The following TTC28 variants were observed in gnomAD, a reference collection of about 807,000 sequenced individuals.
TTC28 encodes tetratricopeptide repeat domain 28.
Under a neutral mutation model 198.0 loss-of-function variants are expected in TTC28, and 61 were observed. The observed-to-expected ratio is 0.31, with a 90% CI of 0.25 to 0.38. TTC28 has a LOEUF of 0.38. TTC28 is among the 10% of genes least tolerant of loss of function. The pLI is 1.00. For missense variants in TTC28, 2,678 were observed against 3,164.0 expected (o/e 0.85, Z 3.69); for synonymous variants, 1,171 against 1,297.8 (o/e 0.90, Z 2.10).
At chr22:28,027,967 T>A (rs931534623) in intron 13 of TTC28, among the ~76,000 whole-genome samples, 36 of 152,264 alleles carry the variant, frequency 2.4e-4, no homozygotes, top group African/African-American at 7.7e-4. Context: ...TTTGCCTCTG[T>A]GGTTCCCTCA....
chr22:28,526,765 A>AT (rs920030544), intron 2 of TTC28, among the ~76,000 whole-genome samples: 23 of 151,042 alleles, frequency 1.5e-4, no homozygotes, highest in African/African-American at 5.1e-4. Flanking sequence ...TTTTATTTTA[A>AT]TTTTTTTTTG....
chr22:28,030,509 C>G lies in TTC28; in HGVS notation c.3933-143G>C, dbSNP rs531010242. On this transcript the variant is annotated intron_variant, in intron 12 of 22. Coordinates refer to ENST00000397906, the MANE Select transcript of TTC28 (RefSeq NM_001145418.2). Reference sequence around the variant, plus strand: ...AGATGACAGCATCACCCCACTCCCTCCTCAGTGTCCCTGAGGCCCTCTTCC... The same window carrying G: ...AGATGACAGCATCACCCCACTCCCTGCTCAGTGTCCCTGAGGCCCTCTTCC... 7.1e-5 allele frequency: 70 copies of G among 990,666 alleles called. 1 individual carries two copies. In the South Asian group the frequency reaches 1.1e-3, roughly 16 times the overall value. 61.4% of individuals were successfully genotyped at this position (990,666 alleles called of 1,614,324 possible).
At chr22:28,262,802 T>C (rs548879604) in intron 5 of TTC28, among the ~76,000 whole-genome samples, 1 of 152,268 alleles carries the variant, frequency 6.6e-6, no homozygotes, top group East Asian at 1.9e-4. Context: ...AATGGAGAAC[T>C]AGGGCTTTCC....
intron 1 of TTC28, among the ~76,000 whole-genome samples, chr22:28,640,027 C>T (rs2051337610): frequency 6.6e-6 from 1 of 151,974 alleles, no homozygotes; most frequent in Non-Finnish European, 1.5e-5. Flanking sequence ...AAAATGATGG[C>T]CAGGTGCAGT....
chr22:28,604,159 T>A (rs943660287), intron 2 of TTC28, among the ~76,000 whole-genome samples: 28 of 151,188 alleles, frequency 1.9e-4, no homozygotes, highest in Non-Finnish European at 3.2e-4. Flanking sequence ...GCACCTGTAA[T>A]CCCAGCTACT....
chr22:28,423,406 G>GA (rs1390105015), intron 2 of TTC28, among the ~76,000 whole-genome samples: 2 of 151,630 alleles, frequency 1.3e-5, no homozygotes, highest in Non-Finnish European at 2.9e-5. Flanking sequence ...AAAGAAAAAA[G>GA]AAAAAAGAAA....
At chr22:28,274,454 G>C (rs1458801971) in intron 5 of TTC28, among the ~76,000 whole-genome samples, 1 of 152,122 alleles carries the variant, frequency 6.6e-6, no homozygotes, top group Non-Finnish European at 1.5e-5. Context: ...AAGACACTAA[G>C]GGATGAGATA....
chr22:28,304,109 C>A (rs572311619), intron 3 of TTC28, among the ~76,000 whole-genome samples: 1 of 152,050 alleles, frequency 6.6e-6, no homozygotes, highest in Non-Finnish European at 1.5e-5. Flanking sequence ...CACGATGAAA[C>A]CCCGTCTCTA....
At chr22:28,517,562 G>A (rs915348701) in intron 2 of TTC28, among the ~76,000 whole-genome samples, 1 of 152,190 alleles carries the variant, frequency 6.6e-6, no homozygotes, top group Non-Finnish European at 1.5e-5. Flanking sequence ...TAGGAAGACA[G>A]AATTATGGCC....
intron 6 of TTC28, among the ~76,000 whole-genome samples, chr22:28,145,077 T>C (rs748132991): frequency 1.3e-5 from 2 of 152,056 alleles, no homozygotes; most frequent in African/African-American, 2.4e-5. Context: ...AGAAAAATAA[T>C]CTCCTTAAAT....
At chr22:28,583,205 T>TA (rs1281804694) in intron 2 of TTC28, among the ~76,000 whole-genome samples, 1 of 152,156 alleles carries the variant, frequency 6.6e-6, no homozygotes, top group Admixed American at 6.5e-5. Flanking sequence ...AATCATTTTT[T>TA]AAAAAAATGA....
chr22:28,399,901 CATA>C (rs562981653), intron 2 of TTC28, among the ~76,000 whole-genome samples: 140 of 152,164 alleles, frequency 9.2e-4, no homozygotes, highest in African/African-American at 3.0e-3. Flanking sequence ...AACAGCCTTC[CATA>C]ATAATAACAG....
chr22:28,190,573 G>C (rs1207057875), intron 5 of TTC28, among the ~76,000 whole-genome samples: 1 of 152,192 alleles, frequency 6.6e-6, no homozygotes, highest in Non-Finnish European at 1.5e-5. Context: ...GGTTTACACA[G>C]TATGTTGTTT....
At chr22:28,352,489 G>A (rs369028264) in intron 2 of TTC28, among the ~76,000 whole-genome samples, 4 of 151,972 alleles carry the variant, frequency 2.6e-5, no homozygotes, top group Non-Finnish European at 4.4e-5. Context: ...TTCAAGAAAC[G>A]GAAATTCCTA....
In TTC28 at chr22:28,639,406, G is replaced by A. The variant is rs144760380; in HGVS notation, c.103-9576C>T. Among the ~76,000 whole-genome samples the A allele has an allele frequency of 3.0e-4, 45 of 152,306 alleles. No individual in the cohort carries two copies. The East Asian group carries it at 7.5e-3, about 25-fold the overall frequency. ...ACCAAGCTATTCTTACGCCTAGAGA[G>A]TAGGATCTTTTTCAAATTCACACAA... On this transcript the variant is annotated intron_variant, in intron 1 of 22. Coordinates refer to ENST00000397906, the MANE Select transcript of TTC28 (RefSeq NM_001145418.2).
chr22:28,300,218 G>C (rs751812722), intron 3 of TTC28, among the ~76,000 whole-genome samples: 4 of 152,172 alleles, frequency 2.6e-5, no homozygotes, highest in Non-Finnish European at 4.4e-5. Flanking sequence ...AGGATCTGAT[G>C]CTTTCAGCTT....
At chr22:28,006,643 C>T (rs1172781873) in intron 14 of TTC28, 1 of 152,364 alleles carries the variant, frequency 6.6e-6, no homozygotes, top group Non-Finnish European at 1.5e-5. Context: ...CTATCCTCCA[C>T]ACCTACTTAC....
chr22:28,463,916 C>CTA (rs2146284452), intron 2 of TTC28, among the ~76,000 whole-genome samples: 1 of 151,756 alleles, frequency 6.6e-6, no homozygotes, highest in South Asian at 2.1e-4. Context: ...ATAATTAAAA[C>CTA]TATATATATA....
intron 2 of TTC28, among the ~76,000 whole-genome samples, chr22:28,410,983 G>GA (rs1340022454): frequency 1.3e-5 from 2 of 148,170 alleles, no homozygotes; most frequent in Non-Finnish European, 3.0e-5. Context: ...AAGATAAACT[G>GA]AACAACTATT....
Sources: gnomAD v4.1 joint callset for allele counts (sites outside exome capture counted in the v4.1 genomes callset) on GRCh38, gnomAD v4.1.1 for gene constraint, MANE v1.5 for transcripts, NCBI Gene and HGNC (gene_info 2026-07-23, HGNC 2026-07-21) for gene names.